Variants in CCDC14 observed in about 807,000 individuals in gnomAD.
The protein encoded by CCDC14 is coiled-coil domain containing 14.
Under a neutral mutation model 81.4 loss-of-function variants are expected in CCDC14, and 71 were observed. The ratio of observed to expected loss-of-function variants is 0.87; its 90% CI spans 0.72 to 1.06. The LOEUF is 1.06. Ranked by LOEUF, CCDC14 falls within the 50% of genes least tolerant of loss-of-function variation. CCDC14 has a pLI of 0.00. For synonymous variants in CCDC14, 332 were observed against 364.8 expected (o/e 0.91, Z 1.03); for missense variants, 1,046 against 1,047.3 (o/e 1.00, Z 0.02).
downstream of CCDC14, among the ~76,000 whole-genome samples, chr3:123,909,384 A>G (rs1034139055): frequency 6.6e-6 from 1 of 152,190 alleles, no homozygotes; most frequent in African/African-American, 2.4e-5. Context: ...TGGGCTGAGC[A>G]GAAGATAATG....
At chr3:123,937,597 TTC>T (rs1483807544) in intron 9 of CCDC14, among the ~76,000 whole-genome samples, 1 of 152,000 alleles carries the variant, frequency 6.6e-6, no homozygotes, top group African/African-American at 2.4e-5. Flanking sequence ...TACAAATATT[TTC>T]TCTCAGTCTG....
At position 123,914,293 on chromosome 3, in the gene CCDC14, T is replaced by C. The variant is rs140840737; in HGVS notation, c.*486A>G. On this transcript the variant is annotated 3_prime_UTR_variant, in exon 13 of 13. Transcript: ENST00000409697. Reference sequence around the variant, plus strand: ...TAACTTTTCTCTTTAAATAAATGTTTATATATTTCACCAACAACACTGGCC... The same window carrying C: ...TAACTTTTCTCTTTAAATAAATGTTCATATATTTCACCAACAACACTGGCC... 3.0e-4 allele frequency: 295 copies of C among 984,038 alleles called. No individual in the cohort carries two copies. Among genetic ancestry groups the C allele is most frequent in the Admixed American group, 4.9e-4 (8 of 16,280 alleles). 61.0% of individuals were successfully genotyped at this position (984,038 alleles called of 1,614,324 possible). A position where few individuals can be genotyped will look rare whatever the true frequency, so the allele number is the denominator to read the frequency against.
At chr3:123,952,686 C>T (rs2037087610) in intron 5 of CCDC14, 18 of 482,264 alleles carry the variant, frequency 3.7e-5, no homozygotes, top group South Asian at 2.8e-4. Context: ...CCCCAGAAGA[C>T]AGTTAACACA....
chr3:123,896,665 C>A (rs184292846), downstream of CCDC14, among the ~76,000 whole-genome samples: 16 of 152,064 alleles, frequency 1.1e-4, no homozygotes, highest in South Asian at 2.1e-4. Context: ...GGGTTAAAAT[C>A]TTTTTTAAAA....
chr3:123,896,142 A>T (rs1345647241), downstream of CCDC14, among the ~76,000 whole-genome samples: 1 of 152,234 alleles, frequency 6.6e-6, no homozygotes. Context: ...GCGGTCTTTA[A>T]GAAGTGTTTG....
intron 5 of CCDC14, chr3:123,954,191 C>T (rs1468481091): frequency 6.6e-6 from 1 of 152,116 alleles, no homozygotes; most frequent in Non-Finnish European, 1.5e-5. Context: ...TCCTTTCTTT[C>T]TCAGTTGGGC....
chr3:123,915,807 T>A (rs1218557287), intron 12 of CCDC14, 89 bp from the exon 13 acceptor site: 1 of 993,218 alleles, frequency 1.0e-6, no homozygotes, highest in Non-Finnish European at 1.5e-6. Context: ...AAAAAAGGAT[T>A]TGAGAGAAGT....
chr3:123,887,588 T>C, the CCDC14 span, among the ~76,000 whole-genome samples: 7 of 152,208 alleles, frequency 4.6e-5, no homozygotes, highest in East Asian at 1.9e-4. Context: ...TCAGTATCTG[T>C]TGAGAGCCCT....
chr3:123,902,214 A>G (rs1043593680), intron 5 of CCDC14, among the ~76,000 whole-genome samples: 1 of 152,210 alleles, frequency 6.6e-6, no homozygotes, highest in African/African-American at 2.4e-5. Flanking sequence ...ATGTTGCCTT[A>G]TTTATATGAA....
intron 9 of CCDC14, among the ~76,000 whole-genome samples, chr3:123,939,445 CTTT>C (rs34550609): frequency 7.7e-5 from 10 of 129,512 alleles, no homozygotes; most frequent in Non-Finnish European, 9.9e-5. Flanking sequence ...TGACACAGAT[CTTT>C]TTTTTTTTTT....
chr3:123,934,538 A>C (rs1342492424), intron 9 of CCDC14, among the ~76,000 whole-genome samples: 3 of 152,108 alleles, frequency 2.0e-5, no homozygotes, highest in Non-Finnish European at 4.4e-5. Context: ...TGAAACACAA[A>C]TCTATGCTTC....
At chr3:123,936,581 G>A (rs1053344069) in intron 9 of CCDC14, among the ~76,000 whole-genome samples, 1 of 151,988 alleles carries the variant, frequency 6.6e-6, no homozygotes, top group Non-Finnish European at 1.5e-5. Flanking sequence ...GTAAACTAAC[G>A]CAGAAACAAA....
At chr3:123,951,203 C>T (rs889963415) in intron 5 of CCDC14, among the ~76,000 whole-genome samples, 16 of 152,072 alleles carry the variant, frequency 1.1e-4, no homozygotes, top group African/African-American at 3.1e-4. Flanking sequence ...ATGTAAATGA[C>T]GTAACACTTG....
intron 1 of CCDC14, among the ~76,000 whole-genome samples, chr3:123,960,458 G>T (rs1400976814): frequency 1.3e-5 from 2 of 152,164 alleles, no homozygotes; most frequent in African/African-American, 4.8e-5. Context: ...CTGTGTAACT[G>T]CCAAGTTATT....
At chr3:123,906,376 G>C (rs539985125) in intron 5 of CCDC14, among the ~76,000 whole-genome samples, 1 of 148,084 alleles carries the variant, frequency 6.8e-6, no homozygotes, top group Non-Finnish European at 1.5e-5. Context: ...AAATAAAAAA[G>C]AAAGATCACA....
At chr3:123,954,203 C>A (rs903535099) in intron 5 of CCDC14, 3 of 152,056 alleles carry the variant, frequency 2.0e-5, no homozygotes, top group Non-Finnish European at 4.4e-5. Flanking sequence ...CAGTTGGGCC[C>A]CAATAAAAAG....
intron 10 of CCDC14, among the ~76,000 whole-genome samples, chr3:123,931,985 C>T (rs966269320): frequency 6.6e-6 from 1 of 152,160 alleles, no homozygotes; most frequent in East Asian, 1.9e-4. Context: ...CAATTTCTAA[C>T]TTTGCCTTTT....
chr3:123,915,204 T>C lies in CCDC14; in HGVS notation c.2293A>G (p.Asn765Asp). The C allele has an allele frequency of 6.2e-7, 1 of 1,613,634 alleles. No homozygotes were observed. The highest frequency in any genetic ancestry group is 8.5e-7 in the Non-Finnish European group (1 of 1,179,604). The stretch of plus-strand genomic sequence containing the variant: ...TTTCCAGAGACAGCAAGTCCGCTGT[T>C]GCTGACTAGCTGTGTTGTAGCTGCT... ...IRAATTQLVS[N>D]SGLAVSGKEN... is the part of the protein sequence containing the mutation. The change falls in exon 13 of 13, where the codon AAC becomes GAC. Residue 765 changes from asparagine (N) to aspartate (D), a missense_variant. Asn to Asp is a conservative substitution (Grantham distance 23). Coordinates refer to ENST00000409697, the MANE Select transcript of CCDC14 (RefSeq NM_001366335.1).
chr3:123,956,340 T>C lies in CCDC14; in HGVS notation c.159+15A>G. 6.6e-7 allele frequency: 1 copy of C among 1,509,208 alleles called. No homozygotes were observed. Among genetic ancestry groups the C allele is most frequent in the Non-Finnish European group, 9.0e-7 (1 of 1,115,588 alleles). 93.5% of individuals were successfully genotyped at this position (1,509,208 alleles called of 1,614,324 possible). ...ACTAATTAAAATAGTGTGTATTGTA[T>C]CTATTCAATCTTACCTGACTTTCTG... On this transcript the variant is annotated intron_variant, in intron 3 of 12. Coordinates refer to ENST00000409697, the MANE Select transcript of CCDC14 (RefSeq NM_001366335.1).
Sources: gnomAD v4.1 joint callset for allele counts (sites outside exome capture counted in the v4.1 genomes callset) on GRCh38, gnomAD v4.1.1 for gene constraint, MANE v1.5 for transcripts, NCBI Gene and HGNC (gene_info 2026-07-23, HGNC 2026-07-21) for gene names.